The following RANBP2 variants were observed in gnomAD, a reference collection of about 807,000 sequenced individuals.
RANBP2 encodes the protein E3 SUMO-protein ligase RanBP2.
Under a neutral mutation model 303.6 loss-of-function variants are expected in RANBP2, and 57 were observed. That is an observed-to-expected ratio of 0.19 (90% CI 0.15 to 0.23). RANBP2 has a LOEUF of 0.23. RANBP2 is among the 10% of genes least tolerant of loss of function. The probability of loss-of-function intolerance (pLI) is 1.00; values close to 1 mark genes in which losing one functional copy is unlikely to be tolerated. For synonymous variants in RANBP2, 1,167 were observed against 1,301.5 expected (o/e 0.90, Z 2.23); for missense variants, 3,138 against 3,780.8 (o/e 0.83, Z 4.46).
chr2:109,348,051 A>C, the RANBP2 span: 5 of 1,439,436 alleles, frequency 3.5e-6, no homozygotes, highest in South Asian at 1.4e-5. Context: ...CTTTCTTCAG[A>C]GTCTGAATCC....
At position 108,719,561 on chromosome 2, in the gene RANBP2, C is replaced by A; in HGVS notation, c.-46C>A. On this transcript the variant is annotated 5_prime_UTR_variant, in exon 1 of 29. Coordinates refer to ENST00000283195, the MANE Select transcript of RANBP2 (RefSeq NM_006267.5). ...TCTTGGAAGTGGCGACTGCTGCGGG[C>A]CTGAGCGCTGGTCTCACGCGCCTCG... The A allele has an allele frequency of 1.3e-6, 2 of 1,577,198 alleles. No individual in the cohort carries two copies. Among genetic ancestry groups the A allele is most frequent in the Non-Finnish European group, 1.7e-6 (2 of 1,163,286 alleles).
At chr2:109,365,658 C>T in the RANBP2 span, among the ~76,000 whole-genome samples, 1 of 152,064 alleles carries the variant, frequency 6.6e-6, no homozygotes, top group Non-Finnish European at 1.5e-5. Flanking sequence ...GTTACTGTGG[C>T]GGTTGTATTT....
chr2:109,067,253 A>C, the RANBP2 span, among the ~76,000 whole-genome samples: 1 of 152,204 alleles, frequency 6.6e-6, no homozygotes, highest in Non-Finnish European at 1.5e-5. Context: ...CACTGCAATA[A>C]GGATTAGAAA....
At chr2:108,719,767 GC>G in intron 1 of RANBP2, 89 bp downstream of exon 1, 1 of 1,535,408 alleles carries the variant, frequency 6.5e-7, no homozygotes, top group East Asian at 2.5e-5. Flanking sequence ...GACGGGCGCT[GC>G]TCCCTGGCGC....
the RANBP2 span, among the ~76,000 whole-genome samples, chr2:109,417,565 G>T: frequency 2.0e-5 from 3 of 152,166 alleles, no homozygotes; most frequent in South Asian, 4.1e-4. Context: ...ACAGGACCCC[G>T]ACAGCCTCTG....
the RANBP2 span, among the ~76,000 whole-genome samples, chr2:109,006,664 C>T: frequency 6.6e-6 from 1 of 152,102 alleles, no homozygotes; most frequent in Non-Finnish European, 1.5e-5. Flanking sequence ...ACTAAATCCC[C>T]GAAGTCCACA....
chr2:109,448,756 A>G, the RANBP2 span, among the ~76,000 whole-genome samples: 10 of 152,220 alleles, frequency 6.6e-5, no homozygotes, highest in Non-Finnish European at 1.3e-4. Context: ...ATGCACTTGA[A>G]TCATCCCGAA....
At chr2:109,431,530 C>T in the RANBP2 span, among the ~76,000 whole-genome samples, 1 of 152,294 alleles carries the variant, frequency 6.6e-6, no homozygotes, top group East Asian at 1.9e-4. Flanking sequence ...GTTAGAGGCA[C>T]AGCATCTAAA....
chr2:109,184,077 G>C, the RANBP2 span, among the ~76,000 whole-genome samples: 1 of 152,210 alleles, frequency 6.6e-6, no homozygotes, highest in African/African-American at 2.4e-5. Flanking sequence ...CTGTGAACGT[G>C]GGGTGTTGAG....
At chr2:109,604,210 G>A in the RANBP2 span, among the ~76,000 whole-genome samples, 5 of 150,542 alleles carry the variant, frequency 3.3e-5, no homozygotes, top group African/African-American at 9.8e-5. Context: ...CAGGTGTGGT[G>A]GTGTGTGCCT....
the RANBP2 span, among the ~76,000 whole-genome samples, chr2:108,967,963 T>C: frequency 6.6e-6 from 1 of 152,050 alleles, no homozygotes; most frequent in African/African-American, 2.4e-5. Flanking sequence ...GCCACAGGGG[T>C]AGAAAACAGC....
At chr2:109,351,114 C>T in the RANBP2 span, among the ~76,000 whole-genome samples, 1 of 152,194 alleles carries the variant, frequency 6.6e-6, no homozygotes, top group Non-Finnish European at 1.5e-5. Context: ...TATTTTATTA[C>T]TTCTTAGTAG....
chr2:109,559,114 G>C, the RANBP2 span, among the ~76,000 whole-genome samples: 11 of 152,240 alleles, frequency 7.2e-5, no homozygotes, highest in East Asian at 2.1e-3. Context: ...TTGAACTCCT[G>C]ACCTCAGGTG....
the RANBP2 span, chr2:108,906,327 G>A: frequency 2.5e-5 from 40 of 1,613,966 alleles, no homozygotes; most frequent in Middle Eastern, 1.6e-4. Flanking sequence ...CTCCACACAC[G>A]TTGGCATACA....
chr2:109,724,376 G>A, the RANBP2 span, among the ~76,000 whole-genome samples: 4 of 152,146 alleles, frequency 2.6e-5, no homozygotes, highest in African/African-American at 4.8e-5. Flanking sequence ...CCATTTTCAC[G>A]ATATTGATTT....
At chr2:109,654,011 A>G in the RANBP2 span, among the ~76,000 whole-genome samples, 1 of 152,172 alleles carries the variant, frequency 6.6e-6, no homozygotes, top group Non-Finnish European at 1.5e-5. Context: ...GGTGATGAAT[A>G]AGTCTTTAGG....
the RANBP2 span, among the ~76,000 whole-genome samples, chr2:108,865,674 A>T: frequency 6.6e-6 from 1 of 152,164 alleles, no homozygotes; most frequent in Non-Finnish European, 1.5e-5. Flanking sequence ...TCAGCTTCTG[A>T]GACCATGGAG....
the RANBP2 span, among the ~76,000 whole-genome samples, chr2:109,410,171 C>CCG: frequency 2.0e-5 from 3 of 152,218 alleles, no homozygotes; most frequent in Non-Finnish European, 4.4e-5. Flanking sequence ...AATCGGGGAA[C>CCG]CGCGGCCACA....
At chr2:109,644,264 G>A in the RANBP2 span, among the ~76,000 whole-genome samples, 2 of 149,366 alleles carry the variant, frequency 1.3e-5, no homozygotes, top group East Asian at 2.0e-4. Flanking sequence ...CTGACATCAC[G>A]CCACTGCACT....
Sources: gnomAD v4.1 joint callset for allele counts (sites outside exome capture counted in the v4.1 genomes callset) on GRCh38, gnomAD v4.1.1 for gene constraint, MANE v1.5 for transcripts, NCBI Gene and HGNC (gene_info 2026-07-23, HGNC 2026-07-21) for gene names.